Variants in ACCSL observed in about 807,000 individuals in gnomAD.
ACCSL encodes 1-aminocyclopropane-1-carboxylate synthase homolog (inactive) like.
ACCSL carries 55 observed loss-of-function variants against 61.7 expected under a neutral mutation model. The ratio of observed to expected loss-of-function variants is 0.89; its 90% CI spans 0.72 to 1.12. ACCSL has a LOEUF of 1.12. Among genes scored for constraint, ACCSL ranks in the 50% most tolerant of loss-of-function variants. The pLI, the probability that ACCSL is intolerant of heterozygous loss-of-function variation, is 0.00. For missense variants in ACCSL, 632 were observed against 698.0 expected (o/e 0.91, Z 1.07); for synonymous variants, 258 against 264.3 (o/e 0.98, Z 0.23).
At chr11:43,962,532 G>C in the ACCSL span, among the ~76,000 whole-genome samples, 1 of 152,210 alleles carries the variant, frequency 6.6e-6, no homozygotes, top group Non-Finnish European at 1.5e-5. Flanking sequence ...CTGTGGCTCC[G>C]AGTCTTTCTC....
the ACCSL span, among the ~76,000 whole-genome samples, chr11:44,021,613 T>A: frequency 5.3e-5 from 8 of 152,248 alleles, no homozygotes; most frequent in African/African-American, 1.7e-4. Flanking sequence ...TAGAAGCTTT[T>A]TAGTTTAATT....
chr11:43,987,511 A>G, the ACCSL span, among the ~76,000 whole-genome samples: 3 of 152,296 alleles, frequency 2.0e-5, no homozygotes, highest in Non-Finnish European at 4.4e-5. Context: ...GGCGCTAGGT[A>G]TCCTTTGGCC....
chr11:43,938,423 G>A, the ACCSL span, among the ~76,000 whole-genome samples: 1 of 152,190 alleles, frequency 6.6e-6, no homozygotes, highest in African/African-American at 2.4e-5. Context: ...TCTTTAGTCA[G>A]TTCCTTGAGC....
At chr11:44,031,728 T>G in the ACCSL span, among the ~76,000 whole-genome samples, 6 of 152,280 alleles carry the variant, frequency 3.9e-5, 1 homozygote, top group South Asian at 1.2e-3. Flanking sequence ...CAAAGTAGAC[T>G]GATGGAGGAA....
chr11:43,940,542 A>G, the ACCSL span, among the ~76,000 whole-genome samples: 1 of 148,950 alleles, frequency 6.7e-6, no homozygotes, highest in Non-Finnish European at 1.5e-5. Context: ...TTTAATTTTT[A>G]GTAGAGACGG....
intron 8 of ACCSL, among the ~76,000 whole-genome samples, chr11:44,054,036 T>C (rs1428024571): frequency 6.6e-6 from 1 of 152,234 alleles, no homozygotes; most frequent in Non-Finnish European, 1.5e-5. Context: ...AGTCAAAATA[T>C]AGTTTTGTTT....
the ACCSL span, among the ~76,000 whole-genome samples, chr11:43,957,155 A>C: frequency 6.6e-6 from 1 of 152,234 alleles, no homozygotes; most frequent in Non-Finnish European, 1.5e-5. Flanking sequence ...ATACAGCCTC[A>C]GGAGAGCCTG....
chr11:44,048,397 C>T lies in ACCSL; in HGVS notation c.361C>T (p.Pro121Ser), dbSNP rs1565157758. Residue 121 changes from proline (P) to serine (S), a missense_variant, in exon 1 of 14, where the codon CCC becomes TCC. Transcript: ENST00000378832. The part of the protein sequence containing the change: ...AQLSGQPDPV[P>S]QLSDCEAAFV... ...ACTCTCTGGGCAGCCTGATCCAGTT[C>T]CCCAACTGAGTGATTGTGAAGCTGC... The T allele has an allele frequency of 6.2e-7, 1 of 1,614,122 alleles. No individual in the cohort carries two copies. The highest frequency in any genetic ancestry group is 8.5e-7 in the Non-Finnish European group (1 of 1,180,034).
chr11:43,965,331 G>A, the ACCSL span, among the ~76,000 whole-genome samples: 4 of 152,112 alleles, frequency 2.6e-5, no homozygotes, highest in East Asian at 1.9e-4. Context: ...GGGAAATTAA[G>A]CAAACAATTC....
At chr11:43,997,334 CG>C in the ACCSL span, among the ~76,000 whole-genome samples, 1 of 152,096 alleles carries the variant, frequency 6.6e-6, no homozygotes, top group African/African-American at 2.4e-5. Flanking sequence ...TTTGGGCTGT[CG>C]GTTCCAGAGA....
At chr11:43,951,069 G>A in the ACCSL span, among the ~76,000 whole-genome samples, 1 of 152,180 alleles carries the variant, frequency 6.6e-6, no homozygotes, top group Non-Finnish European at 1.5e-5. Context: ...ATGACATTGT[G>A]GAAAAGCAAT....
chr11:44,008,941 C>T, the ACCSL span, among the ~76,000 whole-genome samples: 1 of 152,138 alleles, frequency 6.6e-6, no homozygotes, highest in African/African-American at 2.4e-5. Flanking sequence ...CCAAGGTGTG[C>T]AGATCATCTG....
At chr11:44,033,260 C>T in the ACCSL span, among the ~76,000 whole-genome samples, 2 of 152,124 alleles carry the variant, frequency 1.3e-5, no homozygotes, top group Admixed American at 6.5e-5. Context: ...CCCATGGCCA[C>T]GTAGTTTGCC....
At chr11:43,961,354 T>C in the ACCSL span, among the ~76,000 whole-genome samples, 1 of 152,162 alleles carries the variant, frequency 6.6e-6, no homozygotes, top group Admixed American at 6.5e-5. Context: ...GTCACTGCAA[T>C]CTCTTCTCCT....
the ACCSL span, among the ~76,000 whole-genome samples, chr11:43,924,416 G>A: frequency 2.0e-5 from 3 of 152,220 alleles, no homozygotes; most frequent in Admixed American, 6.5e-5. Flanking sequence ...GCCCCAGCGG[G>A]AGCTCACCAC....
At chr11:43,934,727 C>A in the ACCSL span, among the ~76,000 whole-genome samples, 1 of 152,098 alleles carries the variant, frequency 6.6e-6, no homozygotes, top group Non-Finnish European at 1.5e-5. Context: ...CTGCCTACCC[C>A]CCAGGGAAAA....
At chr11:43,938,098 G>A in the ACCSL span, among the ~76,000 whole-genome samples, 2 of 152,218 alleles carry the variant, frequency 1.3e-5, no homozygotes, top group Non-Finnish European at 2.9e-5. Flanking sequence ...TAGCTGCAAG[G>A]AGAGTTGGGT....
the ACCSL span, among the ~76,000 whole-genome samples, chr11:43,984,709 T>C: frequency 0.14 from 20,745 of 152,330 alleles, 1,531 homozygotes; most frequent in Non-Finnish European, 0.17. Context: ...CCTTTCCCGT[T>C]GGCCACATGC....
chr11:44,036,865 G>T, the ACCSL span, among the ~76,000 whole-genome samples: 1 of 151,968 alleles, frequency 6.6e-6, no homozygotes, highest in Non-Finnish European at 1.5e-5. Context: ...CCTCTCTCTG[G>T]ACCACAGTTT....
Sources: gnomAD v4.1 joint callset for allele counts (sites outside exome capture counted in the v4.1 genomes callset) on GRCh38, gnomAD v4.1.1 for gene constraint, MANE v1.5 for transcripts, NCBI Gene and HGNC (gene_info 2026-07-23, HGNC 2026-07-21) for gene names.